Variants in MTM1 observed in about 807,000 individuals in gnomAD.
MTM1 encodes the protein myotubularin.
In MTM1, 9 loss-of-function variants were observed where a neutral mutation model predicts 52.1. The ratio of observed to expected loss-of-function variants is 0.17; its 90% CI spans 0.10 to 0.30. The LOEUF is 0.30. MTM1 is among the 10% of genes least tolerant of loss of function. The probability of loss-of-function intolerance (pLI) is 1.00; values close to 1 mark genes in which losing one functional copy is unlikely to be tolerated. For synonymous variants in MTM1, 136 were observed against 163.8 expected, an observed-to-expected ratio of 0.83 and a Z score of 1.29; for missense variants, 277 against 470.7, an observed-to-expected ratio of 0.59 and a Z score of 3.81.
chrX:150,623,569 A>T (rs782345204), intron 6 of MTM1, among the ~76,000 whole-genome samples: 1 of 110,868 alleles, frequency 9.0e-6, no homozygotes, highest in African/African-American at 3.3e-5. Flanking sequence ...AAATGAATAT[A>T]TTTGTGGAAA....
chrX:150,587,386 G>A (rs782576082), intron 1 of MTM1, among the ~76,000 whole-genome samples: 1 of 111,840 alleles, frequency 8.9e-6, no homozygotes, highest in Non-Finnish European at 1.9e-5. Flanking sequence ...GTGCTACAAC[G>A]CAGTACTGAG....
chrX:150,657,547 A>G (rs1358935318), intron 10 of MTM1, among the ~76,000 whole-genome samples: 114 of 109,581 alleles, frequency 1.0e-3, no homozygotes, highest in Admixed American at 1.7e-3. Context: ...CAGCACACCA[A>G]CATGGCACAT....
At chrX:150,607,821 T>C (rs2039196819) in intron 4 of MTM1, among the ~76,000 whole-genome samples, 1 of 111,617 alleles carries the variant, frequency 9.0e-6, no homozygotes, top group African/African-American at 3.3e-5. Flanking sequence ...CCGCAAACAG[T>C]TTCTCCCTCA....
intron 9 of MTM1, among the ~76,000 whole-genome samples, chrX:150,647,213 A>ATATATATATATATATG (rs1429019336): frequency 2.0e-5 from 2 of 101,887 alleles, no homozygotes; most frequent in Non-Finnish European, 3.9e-5. Flanking sequence ...ATATATATAT[A>ATATATATATATATATG]TATATATAGC....
chrX:150,599,878 A>T (rs1016310044), intron 4 of MTM1, among the ~76,000 whole-genome samples: 11 of 112,465 alleles, frequency 9.8e-5, no homozygotes, highest in Non-Finnish European at 1.9e-4. Context: ...CTGAAAATTA[A>T]CAACAGCGAG....
At chrX:150,591,820 C>T (rs1382507977) in intron 1 of MTM1, among the ~76,000 whole-genome samples, 1 of 112,638 alleles carries the variant, frequency 8.9e-6, no homozygotes, top group Non-Finnish European at 1.9e-5. Context: ...TATAAATATC[C>T]ACAGTCACCT....
In MTM1 at chrX:150,659,646, C is replaced by G. The variant is rs1354488022; in HGVS notation, c.1261-18C>G. On this transcript the variant is annotated intron_variant, in intron 11 of 14. Coordinates refer to ENST00000370396, the MANE Select transcript of MTM1 (RefSeq NM_000252.3). ...GTACCCATTAATTAAAACAAATTAT[C>G]TTCATCAATTTATTCAGCGAATAGG... 4.2e-6 allele frequency: 5 copies of G among 1,179,972 alleles called. No individual in the cohort carries two copies. Among genetic ancestry groups the G allele is most frequent in the Non-Finnish European group, 5.8e-6 (5 of 866,777 alleles).
chrX:150,664,413 CCT>C (rs1300532544), intron 14 of MTM1, among the ~76,000 whole-genome samples: 1 of 112,632 alleles, frequency 8.9e-6, no homozygotes, highest in Non-Finnish European at 1.9e-5. Context: ...ATAGCTGTGG[CCT>C]CTCTCTCAGA....
chrX:150,613,208 C>A (rs2039322133), intron 4 of MTM1, among the ~76,000 whole-genome samples: 2 of 109,438 alleles, frequency 1.8e-5, no homozygotes, highest in African/African-American at 6.6e-5. Flanking sequence ...GAACAAAAAA[C>A]CAAATAACCC....
In MTM1 at chrX:150,645,788, G is replaced by A. The variant is rs781893456; in HGVS notation, c.784G>A (p.Asp262Asn). The A allele has an allele frequency of 5.8e-6, 7 of 1,208,111 alleles. No homozygotes were observed. The highest frequency in any genetic ancestry group is 3.0e-5 in the East Asian group (1 of 33,771). Residue 262 changes from aspartate to asparagine, a missense_variant, in exon 9 of 15, where the codon GAT becomes AAT. This residue lies in a region of MTM1 where 164 missense variants were observed against 283.3 expected (regional missense o/e 0.58). Transcript: ENST00000370396. Reference protein sequence around the residue: ...KRNKDDEKYLDVIRETNKQIS... With the variant: ...KRNKDDEKYLNVIRETNKQIS... ...AAATAAAGATGATGAGAAATATCTC[G>A]ATGTTATCAGGGAGACTAATAAACA... is the stretch of plus-strand genomic sequence containing the variant.
intron 4 of MTM1, among the ~76,000 whole-genome samples, chrX:150,605,611 C>T (rs193275787): frequency 5.3e-5 from 6 of 112,407 alleles, no homozygotes; most frequent in African/African-American, 1.9e-4. Context: ...GGTAAAAGTG[C>T]TTCTGTGAAG....
chrX:150,608,695 T>C (rs150155656), intron 4 of MTM1, among the ~76,000 whole-genome samples: 1 of 111,589 alleles, frequency 9.0e-6, no homozygotes, highest in African/African-American at 3.3e-5. Context: ...TAGTACACAA[T>C]AGTTGTTAGT....
At chrX:150,564,602 C>T (rs965154063), upstream of MTM1, among the ~76,000 whole-genome samples, 1 of 111,163 alleles carries the variant, frequency 9.0e-6, no homozygotes, top group African/African-American at 3.3e-5. Context: ...AGGATGGTCT[C>T]GATCTCTTGA....
intron 8 of MTM1, 82 bp downstream of exon 8, chrX:150,641,500 C>A: frequency 9.1e-7 from 1 of 1,098,959 alleles, no homozygotes; most frequent in Non-Finnish European, 1.3e-6. Context: ...GAGAAACGGT[C>A]CTTTTGGAAT....
At chrX:150,599,662 T>C (rs1449075205) in intron 4 of MTM1, among the ~76,000 whole-genome samples, 1 of 112,097 alleles carries the variant, frequency 8.9e-6, no homozygotes, top group Non-Finnish European at 1.9e-5. Context: ...TCTGAAAAAA[T>C]GCTGTTTATT....
At chrX:150,612,190 C>CA (rs377418608) in intron 4 of MTM1, among the ~76,000 whole-genome samples, 4,289 of 83,581 alleles carry the variant, frequency 0.051, 260 homozygotes, top group African/African-American at 0.17. Flanking sequence ...GGTCCTGTCT[C>CA]AAAAAAAAAA....
chrX:150,618,094 C>A (rs1290060685), intron 5 of MTM1, among the ~76,000 whole-genome samples: 3 of 111,942 alleles, frequency 2.7e-5, no homozygotes, highest in Non-Finnish European at 5.6e-5. Flanking sequence ...TGGAAGCTAC[C>A]TTTAAAATCT....
At chrX:150,632,111 C>A (rs1334127976) in intron 6 of MTM1, among the ~76,000 whole-genome samples, 1 of 111,797 alleles carries the variant, frequency 8.9e-6, no homozygotes, top group East Asian at 2.8e-4. Flanking sequence ...AGCTGATACC[C>A]ACTTCCTGTT....
In MTM1 at chrX:150,663,545, G is replaced by A. The variant is rs2040258736; in HGVS notation, c.1580G>A (p.Ser527Asn). 1 of 1,210,032 alleles carries A rather than the reference G, an allele frequency of 8.3e-7. No homozygotes were observed. The highest frequency in any genetic ancestry group is 2.2e-5 in the Admixed American group (1 of 45,750). ...EINRVLYPVASMRHLELWVNY... is the reference protein window; with the variant it reads ...EINRVLYPVANMRHLELWVNY... The stretch of plus-strand genomic sequence containing the variant: ...AATCGAGTTTTATATCCAGTTGCCA[G>A]TATGCGTCACTTGGAACTCTGGGTG... Residue 527 changes from serine (S) to asparagine (N), a missense_variant, in exon 14 of 15, where the codon AGT becomes AAT. Transcript: ENST00000370396.
Sources: allele counts gnomAD v4.1 joint callset (sites outside exome capture counted in the v4.1 genomes callset), GRCh38; gene constraint gnomAD v4.1.1; regional missense constraint gnomAD v4.1.1; transcripts MANE v1.5; gene names NCBI Gene and HGNC (gene_info 2026-07-23, HGNC 2026-07-21).